The following HINT3 variants were observed in gnomAD, a reference collection of about 807,000 sequenced individuals.
The protein encoded by HINT3 is histidine triad nucleotide binding protein 3.
HINT3 carries 16 observed loss-of-function variants against 19.1 expected under a neutral mutation model. That is an observed-to-expected ratio of 0.84 (90% CI 0.57 to 1.27). HINT3 has a LOEUF of 1.27. HINT3 is among the 50% of genes most tolerant of loss of function. The pLI, the probability that HINT3 is intolerant of heterozygous loss-of-function variation, is 0.00. For missense variants in HINT3, 197 were observed against 225.8 expected, an observed-to-expected ratio of 0.87 and a Z score of 0.82; for synonymous variants, 75 against 84.8, an observed-to-expected ratio of 0.88 and a Z score of 0.63.
chr6:125,966,627 A>G (rs184260088), intron 1 of HINT3, among the ~76,000 whole-genome samples: 250 of 152,340 alleles, frequency 1.6e-3, no homozygotes, highest in Non-Finnish European at 2.8e-3. Flanking sequence ...ATTATTGGTA[A>G]TGAAATTTTA....
In HINT3 at chr6:125,957,149, G is replaced by T. The variant is rs1788850006; in HGVS notation, c.172G>T (p.Asp58Tyr). The T allele has an allele frequency of 6.5e-7, 1 of 1,549,808 alleles. No individual in the cohort carries two copies. Among genetic ancestry groups the T allele is most frequent in the South Asian group, 1.2e-5 (1 of 84,056 alleles). The change falls in exon 1 of 5, where the codon GAC (aspartate) becomes TAC (tyrosine). Residue 58 changes from aspartate to tyrosine, a missense_variant. Asp to Tyr is a radical substitution (Grantham distance 160). Coordinates refer to ENST00000229633, the MANE Select transcript of HINT3 (RefSeq NM_138571.5). Reference sequence around the variant, plus strand: ...GTTCTGCCGGATCGCGGGGCGGCAGGACCCGGGCACCGAACTCCTGCACTG... The same window carrying T: ...GTTCTGCCGGATCGCGGGGCGGCAGTACCCGGGCACCGAACTCCTGCACTG... ...CVFCRIAGRQ[D>Y]PGTELLHCEN...
chr6:125,973,076 T>TG (rs1562215016), intron 3 of HINT3, among the ~76,000 whole-genome samples: 1 of 120,214 alleles, frequency 8.3e-6, no homozygotes, highest in Non-Finnish European at 1.7e-5. Flanking sequence ...TTTTTTTTTT[T>TG]TTTTTTTTTT....
chr6:125,957,947 G>A (rs1788864506), intron 1 of HINT3, among the ~76,000 whole-genome samples: 1 of 152,068 alleles, frequency 6.6e-6, no homozygotes, highest in South Asian at 2.1e-4. Flanking sequence ...CCTTGTTTTG[G>A]AGGTTTTTGA....
In HINT3 at chr6:125,960,665, GAA is replaced by G. The variant is rs71551729; in HGVS notation, c.201+3495_201+3496del. 2.4e-4 allele frequency among the ~76,000 whole-genome samples: 27 copies of G among 112,096 alleles called. 2 individuals are homozygous for G. Among genetic ancestry groups the G allele is most frequent in the African/African-American group, 6.9e-4 (24 of 34,992 alleles). The allele number at this position is 112,096 out of a possible 152,430, so 73.5% of individuals were successfully genotyped here. On this transcript the variant is annotated intron_variant, in intron 1 of 4. Coordinates refer to ENST00000229633, the MANE Select transcript of HINT3 (RefSeq NM_138571.5). ...GAGCAAGACTCTCTCTGGGGGGGGGGAAAAAAAAAGAAGTTAGGGCAAGCAAG... is the reference window on the plus strand; with the variant it reads ...GAGCAAGACTCTCTCTGGGGGGGGGGAAAAAAAGAAGTTAGGGCAAGCAAG...
chr6:125,976,532 T>C (rs79189513), intron 4 of HINT3, among the ~76,000 whole-genome samples: 3 of 150,970 alleles, frequency 2.0e-5, no homozygotes, highest in African/African-American at 7.3e-5. Flanking sequence ...TTTTTTTTTT[T>C]TGCAAAGTTT....
At chr6:125,962,307 TC>T (rs752560900) in intron 1 of HINT3, among the ~76,000 whole-genome samples, 8,813 of 25,888 alleles carry the variant, frequency 0.34, 1,524 homozygotes, top group East Asian at 0.5. Flanking sequence ...TATATATATA[TC>T]ACACATATAT....
intron 4 of HINT3, 97 bp downstream of exon 4, chr6:125,975,070 A>C: frequency 4.5e-6 from 5 of 1,104,008 alleles, no homozygotes; most frequent in Non-Finnish European, 6.6e-6. Flanking sequence ...TACAGCTCTC[A>C]TAGACTTGAT....
chr6:125,961,335 A>T (rs996922890), intron 1 of HINT3, among the ~76,000 whole-genome samples: 12 of 152,124 alleles, frequency 7.9e-5, no homozygotes. Flanking sequence ...CAAGCAAACA[A>T]TCAGTTTTGC....
In HINT3 at chr6:125,967,009, G is replaced by C; in HGVS notation, c.319+5G>C. On this transcript the variant is annotated splice_donor_5th_base_variant and intron_variant, in intron 2 of 4. Coordinates refer to ENST00000229633, the MANE Select transcript of HINT3 (RefSeq NM_138571.5). ...GGAAAGATCAAGTAGAACTGGGTAA[G>C]ATGATGGCAGTATTCTTCATGTTTA... is the stretch of plus-strand genomic sequence containing the variant. The C allele has an allele frequency of 6.7e-7, 1 of 1,485,414 alleles. No homozygotes were observed. Among genetic ancestry groups the C allele is most frequent in the Non-Finnish European group, 9.4e-7 (1 of 1,066,446 alleles). The allele number at this position is 1,485,414 out of a possible 1,614,324, so 92.0% of individuals were successfully genotyped here. A position where few individuals can be genotyped will look rare whatever the true frequency, so the allele number is the denominator to read the frequency against.
At chr6:125,971,602 A>G (rs1789101813) in intron 2 of HINT3, among the ~76,000 whole-genome samples, 1 of 151,718 alleles carries the variant, frequency 6.6e-6, no homozygotes, top group African/African-American at 2.4e-5. Flanking sequence ...TGGCACAATC[A>G]TAGCTCACTG....
chr6:125,975,828 G>C (rs1198364149), intron 4 of HINT3, among the ~76,000 whole-genome samples: 1 of 152,074 alleles, frequency 6.6e-6, no homozygotes, highest in Non-Finnish European at 1.5e-5. Context: ...CACCCGCCTT[G>C]GTGTCCCAAA....
chr6:125,970,084 T>C lies in HINT3; in HGVS notation c.320-2175T>C, dbSNP rs1008581177. ...ATTTTAAGGTAGCCTACATGATAGA[T>C]CAATTGGGCTAGATTTTTAAGAGGT... is the stretch of plus-strand genomic sequence containing the variant. On this transcript the variant is annotated intron_variant, in intron 2 of 4. Coordinates refer to ENST00000229633, the MANE Select transcript of HINT3 (RefSeq NM_138571.5). Among the ~76,000 whole-genome samples the C allele has an allele frequency of 2.6e-5, 4 of 152,296 alleles. No individual in the cohort carries two copies. The East Asian group carries it at 5.8e-4, about 22-fold the overall frequency.
intron 1 of HINT3, 78 bp downstream of exon 1, chr6:125,957,256 G>C: frequency 1.4e-6 from 2 of 1,405,092 alleles, no homozygotes; most frequent in Non-Finnish European, 1.9e-6. Flanking sequence ...CCTCGCCGTT[G>C]TGGAGCGGGT....
At chr6:125,961,166 A>T (rs937771120) in intron 1 of HINT3, among the ~76,000 whole-genome samples, 23 of 152,188 alleles carry the variant, frequency 1.5e-4, no homozygotes, top group Admixed American at 1.2e-3. Context: ...AGTACTTTCA[A>T]CTAATTTACA....
At chr6:125,975,558 C>T (rs188148226) in intron 4 of HINT3, among the ~76,000 whole-genome samples, 1 of 150,576 alleles carries the variant, frequency 6.6e-6, no homozygotes, top group Admixed American at 6.7e-5. Flanking sequence ...AGTAGCATCA[C>T]CTATCAGATC....
intron 1 of HINT3, among the ~76,000 whole-genome samples, chr6:125,964,875 A>G (rs1409204481): frequency 6.6e-6 from 1 of 152,134 alleles, no homozygotes; most frequent in African/African-American, 2.4e-5. Flanking sequence ...TAGGAATGGG[A>G]CAAAGGGTGA....
chr6:125,975,364 T>C (rs1789165830), intron 4 of HINT3, among the ~76,000 whole-genome samples: 1 of 152,166 alleles, frequency 6.6e-6, no homozygotes, highest in Non-Finnish European at 1.5e-5. Flanking sequence ...TAACAGTGCC[T>C]ATACCTAGGG....
Position 125,956,897 on chromosome 6 carries a change from G to C in HINT3, c.-81G>C. 1.4e-6 allele frequency: 2 copies of C among 1,392,928 alleles called. No homozygotes were observed. Among genetic ancestry groups the C allele is most frequent in the Middle Eastern group, 2.1e-4 (1 of 4,852 alleles). 86.3% of individuals were successfully genotyped at this position (1,392,928 alleles called of 1,614,324 possible). On this transcript the variant is annotated 5_prime_UTR_variant, in exon 1 of 5. Transcript: ENST00000229633. ...AGGGGCGACGTCTCGAGGTAAAACG[G>C]AGGAGGTGCGGGACGCGGAGACTGC...
At chr6:125,976,450 A>ATG (rs1789179285) in intron 4 of HINT3, among the ~76,000 whole-genome samples, 4 of 149,878 alleles carry the variant, frequency 2.7e-5, no homozygotes, top group Admixed American at 2.7e-4. Flanking sequence ...ATACATATAT[A>ATG]TGTATGTGTG....
Sources: gnomAD v4.1 joint callset for allele counts (sites outside exome capture counted in the v4.1 genomes callset) on GRCh38, gnomAD v4.1.1 for gene constraint, MANE v1.5 for transcripts, NCBI Gene and HGNC (gene_info 2026-07-23, HGNC 2026-07-21) for gene names.